Variants in TRPM2 observed in about 807,000 individuals in gnomAD.
The protein encoded by TRPM2 is estrogen-responsive element-associated gene 1 protein.
In TRPM2, 161 loss-of-function variants were observed where a neutral mutation model predicts 174.0. The ratio of observed to expected loss-of-function variants is 0.93; its 90% confidence interval spans 0.81 to 1.05. TRPM2 has a LOEUF of 1.05. Ranked by LOEUF, TRPM2 falls within the 50% of genes least tolerant of loss-of-function variation. The pLI, the probability that TRPM2 is intolerant of heterozygous loss-of-function variation, is 0.00. For missense variants in TRPM2, 2,057 were observed against 2,038.0 expected (o/e 1.01, Z -0.18); for synonymous variants, 954 against 861.3 (o/e 1.11, Z -1.88).
At chr21:44,434,279 G>T (rs1370916322) in intron 27 of TRPM2, among the ~76,000 whole-genome samples, 1 of 151,012 alleles carries the variant, frequency 6.6e-6, no homozygotes, top group Non-Finnish European at 1.5e-5. Context: ...GGGGACTGTG[G>T]CAGAGACGCT....
At position 44,387,763 on chromosome 21, in the gene TRPM2, C is replaced by T. The variant is rs189821353; in HGVS notation, c.1319-3141C>T. Among the ~76,000 whole-genome samples the T allele has an allele frequency of 9.9e-5, 15 of 151,950 alleles. 1 individual carries two copies. Among genetic ancestry groups the T allele is most frequent in the South Asian group, 2.1e-4 (1 of 4,812 alleles). On this transcript the variant is annotated intron_variant, in intron 9 of 31. Transcript: ENST00000397928. ...TAAATAGACATTTCTTTAAAGAAGT[C>T]GTACAAATGGCCAATAAGCACGTGA...
At chr21:44,371,885 C>G (rs1401153623) in intron 5 of TRPM2, among the ~76,000 whole-genome samples, 1 of 152,176 alleles carries the variant, frequency 6.6e-6, no homozygotes, top group African/African-American at 2.4e-5. Context: ...GTCATCCCAG[C>G]ACATTGGGAG....
chr21:44,405,160 G>A lies in TRPM2; in HGVS notation c.2557G>A (p.Glu853Lys), dbSNP rs776340830. 26 of 1,613,320 alleles carry A rather than the reference G, an allele frequency of 1.6e-5. No individual in the cohort carries two copies. The East Asian group carries it at 1.8e-4, about 11-fold the overall frequency. Residue 853 changes from glutamate (E) to lysine (K), a missense_variant, in exon 17 of 32, where the codon GAG becomes AAG. Glu to Lys is a moderately conservative substitution (Grantham distance 56). Transcript: ENST00000397928. Reference protein sequence around the residue: ...EMRQLFYDPDECGLMKKAALY... With the variant: ...EMRQLFYDPDKCGLMKKAALY... ...CCAGTAGCTCTTCTATGACCCTGAC[G>A]AGTGCGGGCTGATGAAGAAGGCAGC...
intron 8 of TRPM2, among the ~76,000 whole-genome samples, chr21:44,380,795 C>T (rs1196257280): frequency 6.6e-6 from 1 of 152,220 alleles, no homozygotes; most frequent in Non-Finnish European, 1.5e-5. Flanking sequence ...AGAAGTTGCC[C>T]ACCCTCGCTC....
chr21:44,417,399 C>T (rs2050337023), intron 20 of TRPM2, among the ~76,000 whole-genome samples: 1 of 86,154 alleles, frequency 1.2e-5, no homozygotes, highest in Non-Finnish European at 2.3e-5. Flanking sequence ...CGTGGCTCTG[C>T]TCTCTGTGGC....
chr21:44,386,244 G>T (rs535005967), intron 9 of TRPM2, among the ~76,000 whole-genome samples: 2 of 152,208 alleles, frequency 1.3e-5, no homozygotes, highest in African/African-American at 4.8e-5. Flanking sequence ...AATTAGCTGG[G>T]CGTGGTGGCG....
intron 21 of TRPM2, 76 bp downstream of exon 21, chr21:44,418,184 C>A: frequency 1.3e-6 from 2 of 1,528,036 alleles, no homozygotes; most frequent in Non-Finnish European, 1.8e-6. Flanking sequence ...CATGGCAGCT[C>A]TGCCCAGAAC....
chr21:44,434,355 G>A (rs1453216325), intron 27 of TRPM2, among the ~76,000 whole-genome samples: 1 of 151,006 alleles, frequency 6.6e-6, no homozygotes, highest in African/African-American at 2.4e-5. Context: ...ATGGTGACGG[G>A]GACTGTGGCG....
At chr21:44,357,753 CAG>C (rs1462322217) in intron 2 of TRPM2, among the ~76,000 whole-genome samples, 3 of 152,250 alleles carry the variant, frequency 2.0e-5, no homozygotes, top group African/African-American at 4.8e-5. Context: ...TCCTAGCAGT[CAG>C]GGGACGGAGA....
In TRPM2 at chr21:44,391,143, G is replaced by T; in HGVS notation, c.1440+118G>T. On this transcript the variant is annotated intron_variant, in intron 10 of 31. Coordinates refer to ENST00000397928, the MANE Select transcript of TRPM2 (RefSeq NM_003307.4). This position sits in a 1 kb window ranked among gnomAD's most constrained non-coding sequence, Gnocchi z 5.0. ...ATCCCAGCCCTTCCCTTGAGGGTGG[G>T]TGACCTGGGCAGCTTTCATCCTCCC... 6.4e-7 allele frequency: 1 copy of T among 1,560,424 alleles called. No individual in the cohort carries two copies. The highest frequency in any genetic ancestry group is 8.7e-7 in the Non-Finnish European group (1 of 1,147,282).
chr21:44,410,127 A>G (rs2050052374), intron 19 of TRPM2, among the ~76,000 whole-genome samples: 1 of 93,076 alleles, frequency 1.1e-5, no homozygotes, highest in Non-Finnish European at 2.5e-5. Flanking sequence ...CCTTGTAGTA[A>G]GTTTTGACCG....
chr21:44,359,736 T>C lies in TRPM2; in HGVS notation c.255-4378T>C, dbSNP rs559933661. Among the ~76,000 whole-genome samples, 29 of 141,354 alleles carry C rather than the reference T, an allele frequency of 2.1e-4. No individual in the cohort carries two copies. In the South Asian group the frequency reaches 6.1e-3, roughly 30 times the overall value. The allele number at this position is 141,354 out of a possible 152,430, so 92.7% of individuals were successfully genotyped here. On this transcript the variant is annotated intron_variant, in intron 2 of 31. Coordinates refer to ENST00000397928, the MANE Select transcript of TRPM2 (RefSeq NM_003307.4). ...TCTCATCTGTGTATATATATACACA[T>C]ATATATGTATATATATATATATTTT... is the stretch of plus-strand genomic sequence containing the variant.
At chr21:44,426,161 C>T (rs1337892540) in intron 25 of TRPM2, among the ~76,000 whole-genome samples, 5 of 152,020 alleles carry the variant, frequency 3.3e-5, no homozygotes, top group Non-Finnish European at 7.4e-5. Flanking sequence ...TAGACCCCAC[C>T]CACCCCGGTG....
At chr21:44,375,159 C>G (rs2048659746) in intron 5 of TRPM2, among the ~76,000 whole-genome samples, 1 of 152,238 alleles carries the variant, frequency 6.6e-6, no homozygotes, top group Non-Finnish European at 1.5e-5. Flanking sequence ...ATCCTCCCGC[C>G]TTGGCCTCCC....
Position 44,406,008 on chromosome 21 carries a change from G to C in TRPM2, c.2761G>C (p.Gly921Arg). 1 of 1,608,086 alleles carries C rather than the reference G, an allele frequency of 6.2e-7. No individual in the cohort carries two copies. ...MHIFTISKTLGPKIIIVKRMM... is the reference protein window; with the variant it reads ...MHIFTISKTLRPKIIIVKRMM... Reference sequence around the variant, plus strand: ...CATTTTTACCATCAGTAAGACGCTGGGGCCCAAGATCATCATTGTGAAGCG... The same window carrying C: ...CATTTTTACCATCAGTAAGACGCTGCGGCCCAAGATCATCATTGTGAAGCG... The change falls in exon 18 of 32, where the codon GGG becomes CGG. Residue 921 changes from glycine (G) to arginine (R), a missense_variant. Gly to Arg is a moderately radical substitution (Grantham distance 125). Coordinates refer to ENST00000397928, the MANE Select transcript of TRPM2 (RefSeq NM_003307.4).
intron 9 of TRPM2, among the ~76,000 whole-genome samples, chr21:44,388,027 C>CTATTCCACTCCTCAGATACA (rs1260212478): frequency 2.0e-5 from 3 of 152,178 alleles, no homozygotes; most frequent in Non-Finnish European, 4.4e-5. Flanking sequence ...TATGATCCAG[C>CTATTCCACTCCTCAGATACA]TATTCCACTC....
chr21:44,370,371 G>A (rs1227537357), intron 5 of TRPM2, among the ~76,000 whole-genome samples: 12 of 152,206 alleles, frequency 7.9e-5, no homozygotes, highest in Non-Finnish European at 1.2e-4. Flanking sequence ...GGTTGAGGAC[G>A]GAGCACTCCT....
At chr21:44,427,191 A>G (rs1413957911) in intron 27 of TRPM2, 80 bp downstream of exon 27, 5 of 1,244,804 alleles carry the variant, frequency 4.0e-6, no homozygotes, top group South Asian at 2.9e-5. Context: ...TGGGCAAAGG[A>G]AGCATTTTTC....
chr21:44,398,999 A>G lies in TRPM2; in HGVS notation c.2063-297A>G, dbSNP rs560918938. ...AAGTTAGTGTGGCCTATGCCCAGGAATGGACAAGGGCAGCTTGGAGGTTAG... is the reference window on the plus strand; with the variant it reads ...AAGTTAGTGTGGCCTATGCCCAGGAGTGGACAAGGGCAGCTTGGAGGTTAG... On this transcript the variant is annotated intron_variant, in intron 13 of 31. Coordinates refer to ENST00000397928, the MANE Select transcript of TRPM2 (RefSeq NM_003307.4). Among the ~76,000 whole-genome samples the G allele has an allele frequency of 2.0e-5, 3 of 152,274 alleles. No homozygotes were observed. In the East Asian group the frequency reaches 5.8e-4, roughly 29 times the overall value.
Sources: gnomAD v4.1 joint callset for allele counts (sites outside exome capture counted in the v4.1 genomes callset) on GRCh38, gnomAD v4.1.1 for gene constraint, Gnocchi (gnomAD v3.1) non-coding constraint, MANE v1.5 for transcripts, NCBI Gene and HGNC (gene_info 2026-07-23, HGNC 2026-07-21) for gene names.